The following CD6 variants were observed in gnomAD, a reference collection of about 807,000 sequenced individuals.
CD6 encodes CD6 molecule.
Under a neutral mutation model 75.3 loss-of-function variants are expected in CD6, and 53 were observed. That is an observed-to-expected ratio of 0.70 (90% CI 0.56 to 0.88). The LOEUF is 0.88. Among genes scored for constraint, CD6 ranks in the 40% least tolerant of loss-of-function variants. The pLI, the probability that CD6 is intolerant of heterozygous loss-of-function variation, is 0.00. For missense variants in CD6, 770 were observed against 897.1 expected (o/e 0.86, Z 1.81); for synonymous variants, 359 against 381.5 (o/e 0.94, Z 0.69).
chr11:60,983,100 C>CTT (rs34513880), intron 1 of CD6, among the ~76,000 whole-genome samples: 16 of 143,234 alleles, frequency 1.1e-4, no homozygotes, highest in Admixed American at 1.4e-4. Flanking sequence ...TTTTACTTCA[C>CTT]TTTTTTTTTT....
intron 1 of CD6, among the ~76,000 whole-genome samples, chr11:60,984,784 T>C (rs1857733995): frequency 6.6e-6 from 1 of 152,122 alleles, no homozygotes; most frequent in Non-Finnish European, 1.5e-5. Flanking sequence ...AATGCTGAGA[T>C]CAGGGAGAGG....
chr11:61,003,486 A>C (rs1308413707), intron 1 of CD6, among the ~76,000 whole-genome samples: 1 of 152,162 alleles, frequency 6.6e-6, no homozygotes, highest in Non-Finnish European at 1.5e-5. Flanking sequence ...TAATCCCAAC[A>C]ATTTGGGAGG....
At chr11:61,015,868 C>A in intron 9 of CD6, 33 bp downstream of exon 9, 1 of 1,611,212 alleles carries the variant, frequency 6.2e-7, no homozygotes, top group Non-Finnish European at 8.5e-7. Flanking sequence ...GAGGGCCCAC[C>A]TACCTGAATC....
In CD6 at chr11:61,017,461, C is replaced by T. The variant is rs775948742; in HGVS notation, c.1511-18C>T. 25 of 1,545,548 alleles carry T rather than the reference C, an allele frequency of 1.6e-5. No individual in the cohort carries two copies. The highest frequency in any genetic ancestry group is 2.8e-5 in the African/African-American group (2 of 72,670). ...AGGTTGAGCCTTCACCCCTCCCCAC[C>T]ACCGCCTCTGCTTGCAGATTCCCAG... On this transcript the variant is annotated intron_variant, in intron 9 of 12. Coordinates refer to ENST00000313421, the MANE Select transcript of CD6 (RefSeq NM_006725.5).
intron 12 of CD6, 93 bp from the exon 13 acceptor site, chr11:61,019,161 T>C (rs900902692): frequency 1.2e-6 from 1 of 856,476 alleles, no homozygotes; most frequent in South Asian, 1.5e-5. Context: ...CCCACGGGGA[T>C]AGTGATGTGG....
At chr11:61,004,540 C>T (rs1488907719) in intron 1 of CD6, 1 of 152,184 alleles carries the variant, frequency 6.6e-6, no homozygotes, top group Non-Finnish European at 1.5e-5. Context: ...ATGAAGAGGC[C>T]CACACGGTTT....
chr11:60,973,797 G>A (rs772095537), intron 1 of CD6, among the ~76,000 whole-genome samples: 2 of 152,130 alleles, frequency 1.3e-5, no homozygotes, highest in Non-Finnish European at 1.5e-5. Flanking sequence ...AGCATTAAAC[G>A]CGGCTTCTGT....
At position 61,017,928 on chromosome 11, in the gene CD6, C is replaced by T; in HGVS notation, c.1752C>T (p.Asn584=). The T allele has an allele frequency of 6.2e-7, 1 of 1,613,960 alleles. No individual in the cohort carries two copies. Among genetic ancestry groups the T allele is most frequent in the East Asian group, 2.2e-5 (1 of 44,876 alleles). ...CCAAAAGCAAGCTGCCTCCATGGAA[C>T]CCCCAGGTGTTTTCTTCAGAGAGGA... ...NSPKSKLPPW[N]PQVFSSERSS... is the part of the protein sequence containing the mutation. The change falls in exon 11 of 13, where the codon AAC becomes AAT. Residue 584 remains asparagine (N), a synonymous_variant. Transcript: ENST00000313421.
At position 61,009,812 on chromosome 11, in the gene CD6, C is replaced by A; in HGVS notation, c.1022C>A (p.Ser341Tyr). The A allele has an allele frequency of 6.3e-7, 1 of 1,599,238 alleles. No homozygotes were observed. The highest frequency in any genetic ancestry group is 1.1e-5 in the South Asian group (1 of 88,768). ...NGEELTLSNCSWRFNNSNLCS... is the reference protein window; with the variant it reads ...NGEELTLSNCYWRFNNSNLCS... ...GAGGAGCTCACCCTCTCCAACTGCT[C>A]CTGGCGGTTCAACAACTCCAACCTC... The change falls in exon 5 of 13, where the codon TCC becomes TAC. Residue 341 changes from serine (S) to tyrosine (Y), a missense_variant. Coordinates refer to ENST00000313421, the MANE Select transcript of CD6 (RefSeq NM_006725.5).
In CD6 at chr11:61,013,484, C is replaced by G. The variant is rs1355025330; in HGVS notation, c.1212C>G (p.Pro404=). The G allele has an allele frequency of 6.2e-7, 1 of 1,613,918 alleles. No individual in the cohort carries two copies. The highest frequency in any genetic ancestry group is 1.3e-5 in the African/African-American group (1 of 74,930). ...KESRELMLLI[P]SIVLGILLLG... Reference sequence around the variant, plus strand: ...CTCGGGAGCTAATGCTCCTCATCCCCTCCATCGTTCTGGGAATTCTCCTCC... The same window carrying G: ...CTCGGGAGCTAATGCTCCTCATCCCGTCCATCGTTCTGGGAATTCTCCTCC... The change falls in exon 7 of 13, where the codon CCC becomes CCG. Residue 404 remains proline, a synonymous_variant. Coordinates refer to ENST00000313421, the MANE Select transcript of CD6 (RefSeq NM_006725.5).
rs1338063417 is a variant in CD6 at position 61,009,562 on chromosome 11, T to C, written c.782-10T>C. ...CTGACCTGACTCTGTCCCCTGCCCC[T>C]TCCCTGCAGAGCACCAGTCCTGGCG... On this transcript the variant is annotated splice_polypyrimidine_tract_variant and intron_variant, in intron 4 of 12. Transcript: ENST00000313421. The C allele has an allele frequency of 1.3e-6, 2 of 1,586,574 alleles. No homozygotes were observed. Among genetic ancestry groups the C allele is most frequent in the East Asian group, 4.5e-5 (2 of 44,524 alleles).
chr11:60,972,925 T>A (rs1857242436), intron 1 of CD6, among the ~76,000 whole-genome samples: 1 of 152,192 alleles, frequency 6.6e-6, no homozygotes, highest in South Asian at 2.1e-4. Flanking sequence ...GGGAAAGCCA[T>A]TCGGCTCTGG....
At chr11:61,011,463 C>T (rs913445692) in intron 6 of CD6, among the ~76,000 whole-genome samples, 2 of 152,120 alleles carry the variant, frequency 1.3e-5, no homozygotes, top group South Asian at 4.2e-4. Context: ...GGGTCAGGGT[C>T]GGGGCAGCAG....
In CD6 at chr11:61,008,715, G is replaced by A; in HGVS notation, c.651G>A (p.Thr217=). The change falls in exon 4 of 13, where the codon ACG becomes ACA. Residue 217 remains threonine, a synonymous_variant. Transcript: ENST00000313421. ...AVQALPGLHF[T]PGRGPIHRDQ... is the part of the protein sequence containing the mutation. The stretch of plus-strand genomic sequence containing the variant: ...AGGCCCTGCCCGGCTTGCACTTCAC[G>A]CCCGGCCGCGGGCCTATCCACCGGG... 1.2e-6 allele frequency: 2 copies of A among 1,607,730 alleles called. No individual in the cohort carries two copies. The highest frequency in any genetic ancestry group is 1.7e-6 in the Non-Finnish European group (2 of 1,177,684).
intron 1 of CD6, among the ~76,000 whole-genome samples, chr11:60,990,315 C>T (rs187356812): frequency 3.3e-5 from 5 of 152,180 alleles, no homozygotes; most frequent in African/African-American, 7.2e-5. Flanking sequence ...ACCTTTGCCT[C>T]CTGGGTTCAA....
chr11:61,011,059 C>A lies in CD6; in HGVS notation c.1085-11C>A, dbSNP rs766369636. On this transcript the variant is annotated splice_polypyrimidine_tract_variant and intron_variant, in intron 5 of 12. Transcript: ENST00000313421. ...ACATGCATTGAGTGACTGGGCGGTG[C>A]TTTCTGACAGCTTCCCGGAGTTTGC... 6.2e-7 allele frequency: 1 copy of A among 1,613,792 alleles called. No homozygotes were observed.
In CD6 at chr11:61,013,506, C is replaced by T. The variant is rs371896389; in HGVS notation, c.1234C>T (p.Leu412Phe). The T allele has an allele frequency of 2.9e-5, 46 of 1,613,972 alleles. 1 individual carries two copies. In the Middle Eastern group the frequency reaches 6.6e-4, roughly 23 times the overall value. The change falls in exon 7 of 13, where the codon CTC (leucine) becomes TTC (phenylalanine). Residue 412 changes from leucine (L) to phenylalanine (F), a missense_variant. Transcript: ENST00000313421. The stretch of plus-strand genomic sequence containing the variant: ...CCCCTCCATCGTTCTGGGAATTCTC[C>T]TCCTTGGCTCCCTCATCTTCATAGC... ...LIPSIVLGILLLGSLIFIAFI... is the reference protein window; with the variant it reads ...LIPSIVLGILFLGSLIFIAFI...
chr11:61,007,747 T>G lies in CD6; in HGVS notation c.306T>G (p.Pro102=). The change falls in exon 3 of 13, where the codon CCT becomes CCG. Residue 102 remains proline, a synonymous_variant. Coordinates refer to ENST00000313421, the MANE Select transcript of CD6 (RefSeq NM_006725.5). This position sits in a 1 kb window ranked among gnomAD's most constrained non-coding sequence, Gnocchi z 4.2. The part of the protein sequence containing the change: ...EAASQLAPPT[P]ELPPPPAAGN... Reference sequence around the variant, plus strand: ...CCTCTCAGCTCGCCCCGCCGACCCCTGAGCTGCCGCCCCCGCCTGCAGCCG... The same window carrying G: ...CCTCTCAGCTCGCCCCGCCGACCCCGGAGCTGCCGCCCCCGCCTGCAGCCG... The G allele has an allele frequency of 6.9e-7, 1 of 1,443,770 alleles. No homozygotes were observed. Among genetic ancestry groups the G allele is most frequent in the Non-Finnish European group, 9.1e-7 (1 of 1,096,792 alleles). 89.4% of individuals were successfully genotyped at this position (1,443,770 alleles called of 1,614,324 possible). A position where few individuals can be genotyped will look rare whatever the true frequency, so the allele number is the denominator to read the frequency against.
intron 1 of CD6, among the ~76,000 whole-genome samples, chr11:61,002,582 T>C (rs1858637269): frequency 6.6e-6 from 1 of 152,170 alleles, no homozygotes; most frequent in South Asian, 2.1e-4. Context: ...CAGTGAACAT[T>C]TTTATGATCA....
Sources: gnomAD v4.1 joint callset for allele counts (sites outside exome capture counted in the v4.1 genomes callset) on GRCh38, gnomAD v4.1.1 for gene constraint, Gnocchi (gnomAD v3.1) non-coding constraint, MANE v1.5 for transcripts, NCBI Gene and HGNC (gene_info 2026-07-23, HGNC 2026-07-21) for gene names.